Variants in PELI2 observed in about 807,000 individuals in gnomAD.
PELI2 encodes pellino E3 ubiquitin protein ligase family member 2.
PELI2 carries 23 observed loss-of-function variants against 42.3 expected under a neutral mutation model. That is an observed-to-expected ratio of 0.54 (90% CI 0.39 to 0.77). The LOEUF (loss-of-function observed/expected upper bound fraction) is 0.77. Among genes scored for constraint, PELI2 ranks in the 30% least tolerant of loss-of-function variants. The probability of loss-of-function intolerance (pLI) is 0.00; values close to 1 mark genes in which losing one functional copy is unlikely to be tolerated. For synonymous variants in PELI2, 245 were observed against 212.2 expected (o/e 1.15, Z -1.34); for missense variants, 463 against 553.2 (o/e 0.84, Z 1.64).
intron 2 of PELI2, among the ~76,000 whole-genome samples, chr14:56,196,314 TTA>T (rs1372598923): frequency 6.6e-6 from 1 of 152,202 alleles, no homozygotes; most frequent in Non-Finnish European, 1.5e-5. Context: ...TGTCTGGCAT[TTA>T]TTTCTGGAGA....
intron 1 of PELI2, among the ~76,000 whole-genome samples, chr14:56,151,302 G>A (rs1383328680): frequency 6.6e-6 from 1 of 151,806 alleles, no homozygotes; most frequent in East Asian, 1.9e-4. Context: ...TTGTTGTGCA[G>A]TTATCACCTC....
intron 1 of PELI2, among the ~76,000 whole-genome samples, chr14:56,123,011 A>G (rs761847752): frequency 2.0e-5 from 3 of 152,208 alleles, no homozygotes; most frequent in Non-Finnish European, 4.4e-5. Context: ...ACCTCTACAA[A>G]TGAAAATTTA....
At chr14:56,233,676 G>C (rs1483577481) in intron 2 of PELI2, among the ~76,000 whole-genome samples, 1 of 152,212 alleles carries the variant, frequency 6.6e-6, no homozygotes, top group African/African-American at 2.4e-5. Context: ...AGGCAATACC[G>C]TTCATAACAT....
chr14:56,240,116 ATGT>A (rs1887921660), intron 2 of PELI2, among the ~76,000 whole-genome samples: 1 of 152,140 alleles, frequency 6.6e-6, no homozygotes, highest in Admixed American at 6.5e-5. Flanking sequence ...TGAGTTTGAA[ATGT>A]TGTTTCAAGG....
intron 2 of PELI2, among the ~76,000 whole-genome samples, chr14:56,222,980 G>T (rs1008218953): frequency 2.0e-5 from 3 of 152,158 alleles, no homozygotes; most frequent in Non-Finnish European, 4.4e-5. Flanking sequence ...CTTGGCAAAT[G>T]GTGAACAATC....
intron 1 of PELI2, among the ~76,000 whole-genome samples, chr14:56,163,341 A>C (rs1884835743): frequency 6.6e-6 from 1 of 152,164 alleles, no homozygotes; most frequent in Admixed American, 6.5e-5. Context: ...ACTTTTTCCC[A>C]GCGTATGTTC....
chr14:56,149,761 T>C (rs1884267640), intron 1 of PELI2, among the ~76,000 whole-genome samples: 1 of 152,198 alleles, frequency 6.6e-6, no homozygotes, highest in South Asian at 2.1e-4. Context: ...CTCTAAAATA[T>C]TGTGTATGTT....
chr14:56,158,877 A>T (rs747331842), intron 1 of PELI2, among the ~76,000 whole-genome samples: 106 of 152,356 alleles, frequency 7.0e-4, no homozygotes, highest in Middle Eastern at 3.4e-3. Flanking sequence ...AATAAAAGAC[A>T]TACAATTTAA....
At chr14:56,163,417 G>C (rs1884838595) in intron 1 of PELI2, among the ~76,000 whole-genome samples, 1 of 152,054 alleles carries the variant, frequency 6.6e-6, no homozygotes, top group South Asian at 2.1e-4. Flanking sequence ...TCTCTATTCT[G>C]TTCCATTGGT....
chr14:56,266,029 C>T (rs1888890703), intron 2 of PELI2, among the ~76,000 whole-genome samples: 1 of 151,970 alleles, frequency 6.6e-6, no homozygotes, highest in Non-Finnish European at 1.5e-5. Flanking sequence ...AAACTGAATA[C>T]TCTGCAATAA....
intron 1 of PELI2, among the ~76,000 whole-genome samples, chr14:56,148,352 A>T (rs1884210532): frequency 6.6e-6 from 1 of 152,284 alleles, no homozygotes; most frequent in Admixed American, 6.5e-5. Flanking sequence ...TTATGTAAAA[A>T]TGTATGCGCA....
chr14:56,222,262 G>A (rs1887162250), intron 2 of PELI2, among the ~76,000 whole-genome samples: 1 of 152,140 alleles, frequency 6.6e-6, no homozygotes, highest in African/African-American at 2.4e-5. Context: ...TCATTTCGTA[G>A]CTGTGATTCG....
At chr14:56,149,387 C>T (rs986432939) in intron 1 of PELI2, among the ~76,000 whole-genome samples, 4 of 152,138 alleles carry the variant, frequency 2.6e-5, no homozygotes, top group Admixed American at 6.5e-5. Context: ...CACTGCAGCT[C>T]GTTCTCTGTC....
chr14:56,180,581 G>A lies in PELI2; in HGVS notation c.207+2117G>A, dbSNP rs1191032164. ...ACCGAACTATGACCAAGGGAGATGG[G>A]CAAACTAAGAGCAGACATATTTATT... On this transcript the variant is annotated intron_variant, in intron 2 of 5. Transcript: ENST00000267460. This position sits in a 1 kb window ranked among gnomAD's most constrained non-coding sequence, Gnocchi z 4.4. Among the ~76,000 whole-genome samples, 15 of 152,128 alleles carry A rather than the reference G, an allele frequency of 9.9e-5. No individual in the cohort carries two copies. The highest frequency in any genetic ancestry group is 9.8e-4 in the Admixed American group (15 of 15,278).
At chr14:56,176,310 G>C (rs1293148159) in intron 1 of PELI2, among the ~76,000 whole-genome samples, 1 of 152,168 alleles carries the variant, frequency 6.6e-6, no homozygotes, top group Non-Finnish European at 1.5e-5. Flanking sequence ...GCAGAGTTGT[G>C]CCAAACCCCT....
chr14:56,289,714 C>T (rs994361566), intron 4 of PELI2, among the ~76,000 whole-genome samples: 1 of 152,018 alleles, frequency 6.6e-6, no homozygotes, highest in Non-Finnish European at 1.5e-5. Flanking sequence ...TCTGTCCTGT[C>T]GTCATGTCAA....
intron 1 of PELI2, among the ~76,000 whole-genome samples, chr14:56,143,301 T>C (rs188995138): frequency 1.0e-3 from 155 of 152,380 alleles, no homozygotes; most frequent in African/African-American, 3.5e-3. Flanking sequence ...CACAGCAGGA[T>C]ACACTGCATA....
intron 1 of PELI2, among the ~76,000 whole-genome samples, chr14:56,168,935 T>C (rs1455192395): frequency 6.6e-6 from 1 of 152,104 alleles, no homozygotes. Context: ...GGCAGTGGGT[T>C]CCCTTCTTGC....
intron 1 of PELI2, among the ~76,000 whole-genome samples, chr14:56,137,627 A>C (rs776791582): frequency 7.2e-5 from 11 of 152,230 alleles, no homozygotes; most frequent in Non-Finnish European, 1.5e-4. Context: ...ATAACTGAGC[A>C]ATATAGTTAT....
Sources: gnomAD v4.1 joint callset for allele counts (sites outside exome capture counted in the v4.1 genomes callset) on GRCh38, gnomAD v4.1.1 for gene constraint, Gnocchi (gnomAD v3.1) non-coding constraint, MANE v1.5 for transcripts, NCBI Gene and HGNC (gene_info 2026-07-23, HGNC 2026-07-21) for gene names.